PKD1: variants seen among roughly 807,000 people sequenced by gnomAD.
The protein encoded by PKD1 is polycystin-1.
A neutral mutation model predicts 361.7 loss-of-function variants in PKD1; 81 were observed. That is an observed-to-expected ratio of 0.22 (90% confidence interval 0.19 to 0.27). PKD1 has a LOEUF of 0.27. PKD1 is among the 10% of genes least tolerant of loss of function. PKD1 has a pLI of 1.00. For missense variants in PKD1, 6,399 were observed against 6,118.3 expected (o/e 1.05, Z -1.53); for synonymous variants, 3,615 against 2,818.3 (o/e 1.28, Z -8.95).
At position 2,116,854 on chromosome 16, in the gene PKD1, C is replaced by A; in HGVS notation, c.1585G>T (p.Val529Phe). The A allele has an allele frequency of 6.5e-7, 1 of 1,529,862 alleles. No homozygotes were observed. Among genetic ancestry groups the A allele is most frequent in the Non-Finnish European group, 8.8e-7 (1 of 1,142,090 alleles). 94.8% of individuals were successfully genotyped at this position (1,529,862 alleles called of 1,614,324 possible). The change falls in exon 7 of 46, where the codon GTC becomes TTC. Residue 529 changes from valine (V) to phenylalanine (F), a missense_variant. By Grantham distance (50) the Val-to-Phe change is conservative. Transcript: ENST00000262304. ...TDLCSAPHSY[V>F]CELQPGGPVQ... is the part of the protein sequence containing the mutation. ...ACACCTCCGGGCTGCAGCTCGCAGA[C>A]GTAGCTGTGCGGCGCTGAGCACAGG...
At chr16:2,101,542 C>G (rs1025836815) in intron 26 of PKD1, among the ~76,000 whole-genome samples, 1 of 152,134 alleles carries the variant, frequency 6.6e-6, no homozygotes, top group South Asian at 2.1e-4. Context: ...GGCTTAAACC[C>G]GGGAGCTGGA....
In PKD1 at chr16:2,109,619, G is replaced by A. The variant is rs1481753067; in HGVS notation, c.5548C>T (p.Pro1850Ser). The change falls in exon 15 of 46, where the codon CCT becomes TCT. Residue 1850 changes from proline to serine, a missense_variant. Coordinates refer to ENST00000262304, the MANE Select transcript of PKD1 (RefSeq NM_001009944.3). ...AVPGGSSKRG[P>S]HVTMVFPDAG... is the part of the protein sequence containing the mutation. ...TCCGGGAAGACCATGGTGACATGAG[G>A]GCCACGCTTGCTGCTGCCGCCGGGC... 2.5e-6 allele frequency: 4 copies of A among 1,608,464 alleles called. No homozygotes were observed. The highest frequency in any genetic ancestry group is 1.7e-6 in the Non-Finnish European group (2 of 1,178,210).
At chr16:2,104,459 A>AT in intron 22 of PKD1, 39 bp downstream of exon 22, 1 of 1,432,382 alleles carries the variant, frequency 7.0e-7, no homozygotes, top group Non-Finnish European at 9.3e-7. Context: ...AAAGGGCCGC[A>AT]CGGGGCGGGC....
At position 2,106,096 on chromosome 16, in the gene PKD1, G is replaced by C. The variant is rs749238606; in HGVS notation, c.7698C>G (p.Leu2566=). 6.2e-7 allele frequency: 1 copy of C among 1,605,934 alleles called. No individual in the cohort carries two copies. Among genetic ancestry groups the C allele is most frequent in the Non-Finnish European group, 8.5e-7 (1 of 1,176,644 alleles). Reference sequence around the variant, plus strand: ...CCTCCCACGGCCTGGCTCACCTGTTGAGGGCGACCACAGCGGCTCCCAGCT... The same window carrying C: ...CCTCCCACGGCCTGGCTCACCTGTTCAGGGCGACCACAGCGGCTCCCAGCT... The part of the protein sequence containing the change: ...QDQLGAAVVA[L]NRSLAITLPE... The change falls in exon 19 of 46, where the codon CTC becomes CTG. Residue 2566 remains leucine, a synonymous_variant. Transcript: ENST00000262304. The surrounding 1 kb of genome is among the most constrained non-coding windows in gnomAD (Gnocchi z 6.5).
chr16:2,090,517 A>C lies in PKD1; in HGVS notation c.12212T>G (p.Leu4071Arg). The C allele has an allele frequency of 6.2e-7, 1 of 1,611,104 alleles. No homozygotes were observed. Among genetic ancestry groups the C allele is most frequent in the Non-Finnish European group, 8.5e-7 (1 of 1,179,494 alleles). ...GGACTCGGCAGGACACAGGGTAGAG[A>C]GCCCAGTCCCAGGGCACAGCACCAA... ...ALLVLCPGTG[L>R]STLCPAESWH... Residue 4071 changes from leucine to arginine, a missense_variant, in exon 45 of 46, where the codon CTC becomes CGC. By Grantham distance (102) the Leu-to-Arg change is moderately radical (BLOSUM62 -2). Coordinates refer to ENST00000262304, the MANE Select transcript of PKD1 (RefSeq NM_001009944.3).
intron 30 of PKD1, chr16:2,098,885 C>G (rs2091967214): frequency 7.3e-6 from 1 of 136,102 alleles, no homozygotes; most frequent in Non-Finnish European, 1.5e-5. Context: ...GGATGGAGTG[C>G]AGTGGCGCAA....
In PKD1 at chr16:2,090,026, C is replaced by G. The variant is rs1186208700; in HGVS notation, c.12613G>C (p.Gly4205Arg). The G allele has an allele frequency of 6.2e-7, 1 of 1,610,638 alleles. No individual in the cohort carries two copies. The highest frequency in any genetic ancestry group is 2.2e-5 in the East Asian group (1 of 44,810). The change falls in exon 46 of 46, where the codon GGG becomes CGG. Residue 4205 changes from glycine to arginine, a missense_variant. Coordinates refer to ENST00000262304, the MANE Select transcript of PKD1 (RefSeq NM_001009944.3). ...DGLSVSLGRL[G>R]TRCEPEPSRL... ...GAGGGCTCAGGCTCACACCTTGTCC[C>G]CAGCCGGCCCAGGCTCACGCTCAGC...
In PKD1 at chr16:2,116,818, T is replaced by C. The variant is rs1421340009; in HGVS notation, c.1606+15A>G. The C allele has an allele frequency of 1.3e-6, 2 of 1,483,894 alleles. No individual in the cohort carries two copies. The highest frequency in any genetic ancestry group is 2.4e-5 in the South Asian group (2 of 82,956). 91.9% of individuals were successfully genotyped at this position (1,483,894 alleles called of 1,614,324 possible). A position where few individuals can be genotyped will look rare whatever the true frequency, so the allele number is the denominator to read the frequency against. ...ACAGCCAGCGTCTCAGGCCCCTGCC[T>C]GGCCCCCCGCACACCTCCGGGCTGC... On this transcript the variant is annotated intron_variant, in intron 7 of 45. Coordinates refer to ENST00000262304, the MANE Select transcript of PKD1 (RefSeq NM_001009944.3).
At position 2,103,388 on chromosome 16, in the gene PKD1, G is replaced by T. The variant is rs368722636; in HGVS notation, c.8669C>A (p.Ser2890Tyr). 2 of 1,599,978 alleles carry T rather than the reference G, an allele frequency of 1.3e-6. No individual in the cohort carries two copies. Among genetic ancestry groups the T allele is most frequent in the African/African-American group, 2.7e-5 (2 of 74,850 alleles). ...SDWAARGHRS[S>Y]ANSANSVVVQ... Reference sequence around the variant, plus strand: ...CACAACGGAGTTGGCGGAGTTGGCGGAGCTGCGGTGGCCCCGGGCAGCCCA... The same window carrying T: ...CACAACGGAGTTGGCGGAGTTGGCGTAGCTGCGGTGGCCCCGGGCAGCCCA... Residue 2890 changes from serine (S) to tyrosine (Y), a missense_variant, in exon 23 of 46, where the codon TCC becomes TAC. Transcript: ENST00000262304.
chr16:2,106,942 T>G lies in PKD1; in HGVS notation c.7072A>C (p.Ile2358Leu), dbSNP rs202114024. The change falls in exon 17 of 46, where the codon ATC becomes CTC. Residue 2358 changes from isoleucine (I) to leucine (L), a missense_variant. By Grantham distance (5) the Ile-to-Leu change is conservative. Transcript: ENST00000262304. The surrounding 1 kb of genome is among the most constrained non-coding windows in gnomAD (Gnocchi z 6.5). ...ACAATGGGCACCCGGCCACTCCGGA[T>G]CAGCACCTGGCGTGGGAGTGGGGTT... ...KEEATNQTVLIRSGRVPIVSL... is the reference protein window; with the variant it reads ...KEEATNQTVLLRSGRVPIVSL... 1.1e-5 allele frequency: 18 copies of G among 1,586,124 alleles called. No homozygotes were observed. The highest frequency in any genetic ancestry group is 1.4e-5 in the Non-Finnish European group (16 of 1,172,426).
At chr16:2,105,546 G>A (rs922001909) in intron 20 of PKD1, 72 bp from the exon 21 acceptor site, 20 of 1,594,932 alleles carry the variant, frequency 1.3e-5, no homozygotes, top group Admixed American at 3.3e-5. Context: ...AGATGCCCAC[G>A]ACTCCCGGGG....
intron 1 of PKD1, among the ~76,000 whole-genome samples, chr16:2,131,008 C>G (rs574726351): frequency 3.9e-5 from 6 of 152,114 alleles, no homozygotes; most frequent in Admixed American, 2.0e-4. Flanking sequence ...TACACCTAGG[C>G]CAGTGCCAGC....
Position 2,105,387 on chromosome 16 carries a change from C to A in PKD1, c.7951G>T (p.Val2651Leu), listed in dbSNP as rs1348393055. 6.3e-7 allele frequency: 1 copy of A among 1,586,584 alleles called. No individual in the cohort carries two copies. The highest frequency in any genetic ancestry group is 2.2e-5 in the East Asian group (1 of 44,878). ...TCCACAGTGTGGACCCTCAGGGACA[C>A]CAGAGTCTCCGTGATGTTCTTGCGT... ...QIRKNITETL[V>L]SLRVHTVDDI... The change falls in exon 21 of 46, where the codon GTG becomes TTG. Residue 2651 changes from valine to leucine, a missense_variant. Physicochemically the swap from Val to Leu is conservative, Grantham distance 32 (BLOSUM62 1). Transcript: ENST00000262304.
rs925526094 is a variant in PKD1 at position 2,097,233 on chromosome 16, G to C, written c.10414C>G (p.Leu3472Val). ...CCCTCGGCAAGGACCTGCTGGATCA[G>C]GTCTTCATCTAGAGGTACAGGAGGC... ...AKSFSASDED[L>V]IQQVLAEGVS... Residue 3472 changes from leucine to valine, a missense_variant, in exon 34 of 46, where the codon CTG becomes GTG. By Grantham distance (32) the Leu-to-Val change is conservative. Transcript: ENST00000262304. The C allele has an allele frequency of 3.2e-6, 5 of 1,585,342 alleles. No homozygotes were observed. Among genetic ancestry groups the C allele is most frequent in the South Asian group, 1.1e-5 (1 of 87,458 alleles).
intron 1 of PKD1, among the ~76,000 whole-genome samples, chr16:2,127,258 GGAGT>G (rs1397209856): frequency 3.3e-5 from 5 of 152,228 alleles, no homozygotes; most frequent in South Asian, 2.1e-4. Context: ...AAGAACAAAA[GGAGT>G]GAGGACGGTA....
Position 2,090,378 on chromosome 16 carries a change from C to T in PKD1, c.12351G>A (p.Leu4117=). 2.5e-6 allele frequency: 4 copies of T among 1,612,692 alleles called. No individual in the cohort carries two copies. Among genetic ancestry groups the T allele is most frequent in the African/African-American group, 1.3e-5 (1 of 75,052 alleles). ...CCTGGGGCTCCCAGGCCGGCCGGTA[C>T]AGCTCTCCACGCAAGGCGTGGTAGC... is the stretch of plus-strand genomic sequence containing the variant. ...RWRYHALRGE[L]YRPAWEPQDY... Residue 4117 remains leucine (L), a synonymous_variant, in exon 45 of 46, where the codon CTG becomes CTA. Transcript: ENST00000262304.
chr16:2,094,548 A>T (rs111837364), intron 34 of PKD1, among the ~76,000 whole-genome samples: 1 of 152,304 alleles, frequency 6.6e-6, no homozygotes, highest in African/African-American at 2.4e-5. Context: ...GCAAACTATG[A>T]TTGGGTCTCA....
At chr16:2,105,296 A>C in intron 21 of PKD1, 26 bp downstream of exon 21, 1 of 1,587,536 alleles carries the variant, frequency 6.3e-7, no homozygotes, top group South Asian at 1.1e-5. Context: ...CATGCGGGGC[A>C]GGGTGAGCAG....
At chr16:2,096,631 T>A (rs2091859675) in intron 34 of PKD1, among the ~76,000 whole-genome samples, 1 of 152,208 alleles carries the variant, frequency 6.6e-6, no homozygotes, top group African/African-American at 2.4e-5. Flanking sequence ...TTCTCCTACC[T>A]CAGTCTCCCG....
Sources: gnomAD v4.1 joint callset for allele counts (sites outside exome capture counted in the v4.1 genomes callset) on GRCh38, gnomAD v4.1.1 for gene constraint, Gnocchi (gnomAD v3.1) non-coding constraint, MANE v1.5 for transcripts, NCBI Gene and HGNC (gene_info 2026-07-23, HGNC 2026-07-21) for gene names.